Variants in EXOC4 observed in about 807,000 individuals in gnomAD.
EXOC4 encodes exocyst complex component 4.
A neutral mutation model predicts 107.2 loss-of-function variants in EXOC4; 71 were observed. The observed-to-expected ratio is 0.66, with a 90% CI of 0.55 to 0.81. EXOC4 has a LOEUF of 0.81. EXOC4 is among the 30% of genes least tolerant of loss of function. The probability of loss-of-function intolerance (pLI) is 0.00; values close to 1 mark genes in which losing one functional copy is unlikely to be tolerated. For synonymous variants in EXOC4, 456 were observed against 441.2 expected (o/e 1.03, Z -0.42); for missense variants, 1,108 against 1,189.6 (o/e 0.93, Z 1.01).
At chr7:133,828,733 G>GA (rs1330619298) in intron 11 of EXOC4, among the ~76,000 whole-genome samples, 3 of 152,128 alleles carry the variant, frequency 2.0e-5, no homozygotes, top group African/African-American at 4.8e-5. Context: ...ATGACACAGT[G>GA]AAAGAATTTC....
At chr7:133,335,882 CTAATGGG>C (rs1347276100) in intron 5 of EXOC4, among the ~76,000 whole-genome samples, 1 of 152,070 alleles carries the variant, frequency 6.6e-6, no homozygotes, top group Non-Finnish European at 1.5e-5. Context: ...AGTAGCTATC[CTAATGGG>C]TATGAGGATA....
chr7:133,504,582 G>A (rs191114634), intron 9 of EXOC4, among the ~76,000 whole-genome samples: 3 of 151,982 alleles, frequency 2.0e-5, no homozygotes, highest in East Asian at 1.9e-4. Context: ...AGTTTATATC[G>A]TGGTAGATGA....
intron 7 of EXOC4, among the ~76,000 whole-genome samples, chr7:133,402,988 G>A (rs567307845): frequency 1.5e-4 from 23 of 150,010 alleles, no homozygotes; most frequent in African/African-American, 4.9e-4. Flanking sequence ...TGGTTCAAGC[G>A]ATTATCCTGC....
chr7:133,882,227 A>T (rs767064942), intron 11 of EXOC4, among the ~76,000 whole-genome samples: 2 of 152,218 alleles, frequency 1.3e-5, no homozygotes, highest in Admixed American at 6.5e-5. Flanking sequence ...TTGTATGAAT[A>T]TGTCACAGTT....
At chr7:134,031,475 G>T (rs1795269822) in intron 17 of EXOC4, among the ~76,000 whole-genome samples, 1 of 152,162 alleles carries the variant, frequency 6.6e-6, no homozygotes, top group Admixed American at 6.5e-5. Context: ...GGTTTTGGTA[G>T]TCTTGGTGAT....
chr7:134,046,722 C>T (rs1001775020), intron 17 of EXOC4, among the ~76,000 whole-genome samples: 1 of 152,076 alleles, frequency 6.6e-6, no homozygotes. Context: ...CACTCAGGAC[C>T]CATGGCCTCT....
chr7:133,266,300 A>G (rs1197762740), intron 1 of EXOC4, among the ~76,000 whole-genome samples: 1 of 152,080 alleles, frequency 6.6e-6, no homozygotes, highest in Admixed American at 6.6e-5. Flanking sequence ...CTTAACCTTT[A>G]TTACCTTCTT....
chr7:133,817,201 G>C, intron 10 of EXOC4, 124 bp from the exon 11 acceptor site: 1 of 636,576 alleles, frequency 1.6e-6, no homozygotes, highest in South Asian at 2.0e-5. Context: ...ATAGAGATGA[G>C]TATTATTGAT....
At chr7:133,873,220 C>A (rs1585213858) in intron 11 of EXOC4, among the ~76,000 whole-genome samples, 1 of 152,184 alleles carries the variant, frequency 6.6e-6, no homozygotes, top group East Asian at 1.9e-4. Flanking sequence ...CAGAGTCAGA[C>A]CCTGTCTCTA....
At chr7:134,022,909 T>C (rs1795059222) in intron 17 of EXOC4, among the ~76,000 whole-genome samples, 1 of 152,246 alleles carries the variant, frequency 6.6e-6, no homozygotes, top group Non-Finnish European at 1.5e-5. Flanking sequence ...TCTCTCTTGT[T>C]CATTCCTGAT....
intron 10 of EXOC4, among the ~76,000 whole-genome samples, chr7:133,802,697 A>G (rs1796973747): frequency 6.6e-6 from 1 of 152,086 alleles, no homozygotes; most frequent in Non-Finnish European, 1.5e-5. Flanking sequence ...AATACAAAAA[A>G]TTAGCCAGAT....
At chr7:133,439,373 C>G (rs1473697667) in intron 7 of EXOC4, among the ~76,000 whole-genome samples, 1 of 151,410 alleles carries the variant, frequency 6.6e-6, no homozygotes, top group Non-Finnish European at 1.5e-5. Context: ...TTAGTAGAGA[C>G]GGGGTTTCAT....
At chr7:133,529,127 A>T (rs1362735475) in intron 9 of EXOC4, among the ~76,000 whole-genome samples, 1 of 150,150 alleles carries the variant, frequency 6.7e-6, no homozygotes, top group Non-Finnish European at 1.5e-5. Flanking sequence ...TTATTGAAAA[A>T]CTCTATTGGC....
chr7:133,799,966 T>A (rs1216198875), intron 10 of EXOC4, among the ~76,000 whole-genome samples: 1 of 152,118 alleles, frequency 6.6e-6, no homozygotes, highest in Non-Finnish European at 1.5e-5. Flanking sequence ...ACTTAGTGAG[T>A]CAGGTAGCTG....
chr7:133,574,303 A>G (rs1801083491), intron 9 of EXOC4, among the ~76,000 whole-genome samples: 1 of 152,194 alleles, frequency 6.6e-6, no homozygotes, highest in Non-Finnish European at 1.5e-5. Context: ...CTCTATATAC[A>G]TACATGTTTA....
intron 14 of EXOC4, among the ~76,000 whole-genome samples, chr7:133,980,417 C>T (rs1793952015): frequency 1.3e-5 from 2 of 152,204 alleles, no homozygotes; most frequent in South Asian, 4.1e-4. Context: ...TGTTTTATAT[C>T]ATTGAATCCT....
chr7:133,860,208 T>C (rs1278523391), intron 11 of EXOC4, among the ~76,000 whole-genome samples: 1 of 152,184 alleles, frequency 6.6e-6, no homozygotes, highest in Non-Finnish European at 1.5e-5. Flanking sequence ...AGCCCAATTC[T>C]AAGCTGTTAA....
intron 7 of EXOC4, among the ~76,000 whole-genome samples, chr7:133,412,278 G>GTTTTTTTGTTTTT (rs1797375168): frequency 1.4e-5 from 1 of 71,476 alleles, no homozygotes; most frequent in Non-Finnish European, 2.4e-5. Context: ...TCAGAATTCA[G>GTTTTTTTGTTTTT]TTTTTTTTTT....
At chr7:133,525,306 G>T (rs1237114424) in intron 9 of EXOC4, among the ~76,000 whole-genome samples, 3 of 152,156 alleles carry the variant, frequency 2.0e-5, no homozygotes, top group African/African-American at 7.2e-5. Flanking sequence ...AATTATTCCT[G>T]TTGAGATCAG....
Sources: gnomAD v4.1 joint callset for allele counts (sites outside exome capture counted in the v4.1 genomes callset) on GRCh38, gnomAD v4.1.1 for gene constraint, MANE v1.5 for transcripts, NCBI Gene and HGNC (gene_info 2026-07-23, HGNC 2026-07-21) for gene names.